Variants in CXorf66 observed in about 807,000 individuals in gnomAD.
The protein encoded by CXorf66 is chromosome X open reading frame 66.
Under a neutral mutation model 5.0 loss-of-function variants are expected in CXorf66, and 6 were observed. The ratio of observed to expected loss-of-function variants is 1.20; its 90% CI spans 0.65 to 2.36. CXorf66 has a LOEUF of 2.36. CXorf66 is among the 30% of genes most tolerant of loss of function. CXorf66 has a pLI of 0.00. For missense variants in CXorf66, 270 were observed against 254.9 expected (o/e 1.06, Z -0.40); for synonymous variants, 98 against 102.8 (o/e 0.95, Z 0.28).
intron 1 of CXorf66, among the ~76,000 whole-genome samples, chrX:139,959,470 G>A (rs2085585758): frequency 8.9e-6 from 1 of 112,401 alleles, no homozygotes; most frequent in Middle Eastern, 4.6e-3. Flanking sequence ...CTGGGGGAAC[G>A]GGTGGCTGTA....
intron 1 of CXorf66, among the ~76,000 whole-genome samples, chrX:139,959,131 G>A (rs900182821): frequency 2.7e-5 from 3 of 111,773 alleles, no homozygotes; most frequent in East Asian, 2.8e-4. Context: ...CAGCAGATCC[G>A]ACTCCCATGG....
chrX:139,964,771 G>T lies in CXorf66; in HGVS notation c.88+638C>A, dbSNP rs7887230. On this transcript the variant is annotated intron_variant, in intron 1 of 2. Coordinates refer to ENST00000370540, the MANE Select transcript of CXorf66 (RefSeq NM_001013403.3). ...GTTCATGTCCTGTGCAGGGACATGG[G>T]TAAAGCTGGAAACCATCATTCTCAG... 3.6e-3 allele frequency among the ~76,000 whole-genome samples: 403 copies of T among 111,174 alleles called. 2 individuals carry two copies. Among genetic ancestry groups the T allele is most frequent in the African/African-American group, 0.012 (371 of 30,578 alleles).
chrX:139,955,861 C>A lies in CXorf66; in HGVS notation c.*35G>T. 1.7e-6 allele frequency: 2 copies of A among 1,143,784 alleles called. No homozygotes were observed. The highest frequency in any genetic ancestry group is 2.3e-6 in the Non-Finnish European group (2 of 862,057). The allele number at this position is 1,143,784 out of a possible 1,213,427, so 94.3% of individuals were successfully genotyped here. A position where few individuals can be genotyped will look rare whatever the true frequency, so the allele number is the denominator to read the frequency against. On this transcript the variant is annotated 3_prime_UTR_variant, in exon 3 of 3. Transcript: ENST00000370540. ...GCATAAAATAGTTGGTATAAGTTTGCTCTTTCACACTTGGATTTTATTTTT... is the reference window on the plus strand; with the variant it reads ...GCATAAAATAGTTGGTATAAGTTTGATCTTTCACACTTGGATTTTATTTTT...
At position 139,956,098 on chromosome X, in the gene CXorf66, T is replaced by C; in HGVS notation, c.884A>G (p.Gln295Arg). ...DISEAKEKNT[Q>R]NLHVSSKVKS... ...GACTTTGCTTGAAACATGTAGGTTT[T>C]GAGTGTTTTTCTCCTTTGCCTCAGA... The change falls in exon 3 of 3, where the codon CAA becomes CGA. Residue 295 changes from glutamine to arginine, a missense_variant. By Grantham distance (43) the Gln-to-Arg change is conservative (BLOSUM62 1). Coordinates refer to ENST00000370540, the MANE Select transcript of CXorf66 (RefSeq NM_001013403.3). The C allele has an allele frequency of 8.3e-7, 1 of 1,211,586 alleles. No individual in the cohort carries two copies. Among genetic ancestry groups the C allele is most frequent in the Non-Finnish European group, 1.1e-6 (1 of 895,218 alleles).
At chrX:139,956,904 C>T (rs949861985) in intron 2 of CXorf66, among the ~76,000 whole-genome samples, 165 bp from the exon 3 acceptor site, 14 of 111,861 alleles carry the variant, frequency 1.3e-4, no homozygotes, top group African/African-American at 4.2e-4. Flanking sequence ...TGGTGGTTCA[C>T]ACCTGTAATC....
At chrX:139,957,354 AACAC>A (rs772606751) in intron 2 of CXorf66, among the ~76,000 whole-genome samples, 11 of 108,042 alleles carry the variant, frequency 1.0e-4, no homozygotes, top group African/African-American at 2.0e-4. Context: ...AAAAGAGAGA[AACAC>A]ACACACACAC....
chrX:139,956,264 G>C lies in CXorf66; in HGVS notation c.718C>G (p.Pro240Ala), dbSNP rs182789066. The C allele has an allele frequency of 1.7e-5, 21 of 1,210,196 alleles. No individual in the cohort carries two copies. In the East Asian group the frequency reaches 5.6e-4, roughly 32 times the overall value. ...GACCTTTTTGGATTAAAATGTTTGGGAGGCTTAGCCAATTCCTGTGGACCG... is the reference window on the plus strand; with the variant it reads ...GACCTTTTTGGATTAAAATGTTTGGCAGGCTTAGCCAATTCCTGTGGACCG... ...PFGPQELAKP[P>A]KHFNPKRSVS... is the part of the protein sequence containing the mutation. The change falls in exon 3 of 3, where the codon CCC becomes GCC. Residue 240 changes from proline (P) to alanine (A), a missense_variant. By Grantham distance (27) the Pro-to-Ala change is conservative (BLOSUM62 -1). Coordinates refer to ENST00000370540, the MANE Select transcript of CXorf66 (RefSeq NM_001013403.3).
At chrX:139,964,482 A>G (rs778769571) in intron 1 of CXorf66, among the ~76,000 whole-genome samples, 1 of 111,889 alleles carries the variant, frequency 8.9e-6, no homozygotes, top group African/African-American at 3.2e-5. Context: ...AATTAGTTCA[A>G]CCACTGTGGA....
chrX:139,960,795 AT>A (rs1302833246), intron 1 of CXorf66, among the ~76,000 whole-genome samples: 2 of 111,843 alleles, frequency 1.8e-5, no homozygotes, highest in African/African-American at 6.5e-5. Flanking sequence ...AAAGAAAAGA[AT>A]TTTCAACTCA....
At chrX:139,958,241 AG>A in intron 1 of CXorf66, 24 bp from the exon 2 acceptor site, 2 of 1,126,359 alleles carry the variant, frequency 1.8e-6, no homozygotes, top group Non-Finnish European at 2.4e-6. Flanking sequence ...GTATAATCAG[AG>A]AAGGTGTTAA....
chrX:139,956,761 A>C (rs201329917), intron 2 of CXorf66, 22 bp from the exon 3 acceptor site: 1 of 1,180,635 alleles, frequency 8.5e-7, no homozygotes, highest in Non-Finnish European at 1.1e-6. Context: ...GAAAATTTGG[A>C]GTATAATGAT....
chrX:139,962,474 GCCAAATTCTA>G (rs1391955344), intron 1 of CXorf66, among the ~76,000 whole-genome samples: 1 of 111,363 alleles, frequency 9.0e-6, no homozygotes, highest in East Asian at 2.8e-4. Flanking sequence ...ACAATTCACA[GCCAAATTCTA>G]CCAGAGGTAC....
chrX:139,956,866 G>C, intron 2 of CXorf66, 127 bp from the exon 3 acceptor site: 1 of 657,803 alleles, frequency 1.5e-6, no homozygotes, highest in East Asian at 3.3e-5. Context: ...ACTGAACACA[G>C]TAAGAATCGG....
chrX:139,963,965 A>G (rs1336085694), intron 1 of CXorf66, among the ~76,000 whole-genome samples: 1 of 112,253 alleles, frequency 8.9e-6, no homozygotes, highest in African/African-American at 3.2e-5. Context: ...AAACCCTAGA[A>G]GAAAACCTAG....
In CXorf66 at chrX:139,958,030, C is replaced by G. The variant is rs781297527; in HGVS notation, c.242+34G>C. ...TCCGCTATATGTACACACACACACACCTCGCACTCTTAATTTAAAGGAGTA... is the reference window on the plus strand; with the variant it reads ...TCCGCTATATGTACACACACACACAGCTCGCACTCTTAATTTAAAGGAGTA... On this transcript the variant is annotated intron_variant, in intron 2 of 2. Coordinates refer to ENST00000370540, the MANE Select transcript of CXorf66 (RefSeq NM_001013403.3). 2.6e-6 allele frequency: 3 copies of G among 1,160,170 alleles called. No individual in the cohort carries two copies. In the South Asian group the frequency reaches 6.3e-5, roughly 24 times the overall value.
chrX:139,956,075 CTT>C lies in CXorf66; in HGVS notation c.905_906del (p.Lys302SerfsTer10), dbSNP rs760928454. 8.3e-6 allele frequency: 10 copies of C among 1,209,644 alleles called. No homozygotes were observed. The South Asian group carries it at 1.8e-4, about 21-fold the overall frequency. On this transcript the variant is annotated frameshift_variant, in exon 3 of 3. Coordinates refer to ENST00000370540, the MANE Select transcript of CXorf66 (RefSeq NM_001013403.3). LOFTEE classifies it low-confidence loss of function (END_TRUNC). ...CGAAAGGACCTGGAAGAGGACTTGA[CTT>C]TGCTTGAAACATGTAGGTTTTGAGT... is the stretch of plus-strand genomic sequence containing the variant. ...KNTQNLHVSS[K>X]VKSSSRSFRK... is the part of the protein sequence containing the mutation.
At chrX:139,959,776 C>A (rs2148218104) in intron 1 of CXorf66, among the ~76,000 whole-genome samples, 1 of 111,861 alleles carries the variant, frequency 8.9e-6, no homozygotes, top group Admixed American at 9.5e-5. Flanking sequence ...GATACCCAGG[C>A]AAATAGGGTC....
chrX:139,962,098 A>T (rs1242717323), intron 1 of CXorf66, among the ~76,000 whole-genome samples: 2 of 111,596 alleles, frequency 1.8e-5, no homozygotes, highest in Non-Finnish European at 1.9e-5. Flanking sequence ...AGATAGACAC[A>T]TGAAAAACCC....
chrX:139,960,355 G>C (rs1181843434), intron 1 of CXorf66, among the ~76,000 whole-genome samples: 1 of 108,809 alleles, frequency 9.2e-6, no homozygotes, highest in African/African-American at 3.3e-5. Flanking sequence ...ACTGAAATAA[G>C]GTGTGAAAAC....
Sources: allele counts gnomAD v4.1 joint callset (sites outside exome capture counted in the v4.1 genomes callset), GRCh38; gene constraint gnomAD v4.1.1; transcripts MANE v1.5; gene names NCBI Gene and HGNC (gene_info 2026-07-23, HGNC 2026-07-21).